PTPRD: variants seen among roughly 807,000 people sequenced by gnomAD.
PTPRD encodes protein tyrosine phosphatase receptor type D.
In PTPRD, 34 loss-of-function variants were observed where a neutral mutation model predicts 214.5. The observed-to-expected ratio is 0.16, with a 90% CI of 0.12 to 0.21. The LOEUF is 0.21. Ranked by LOEUF, PTPRD falls within the 10% of genes least tolerant of loss-of-function variation. The pLI, the probability that PTPRD is intolerant of heterozygous loss-of-function variation, is 1.00. For missense variants in PTPRD, 2,545 were observed against 2,398.7 expected, an observed-to-expected ratio of 1.06 and a Z score of -1.27; for synonymous variants, 1,128 against 845.7, an observed-to-expected ratio of 1.33 and a Z score of -5.79.
At chr9:10,350,199 G>A (rs2097158831) in intron 2 of PTPRD, among the ~76,000 whole-genome samples, 1 of 151,980 alleles carries the variant, frequency 6.6e-6, no homozygotes, top group East Asian at 1.9e-4. Context: ...ATGCAGCATA[G>A]AGGCCTTATC....
At position 8,953,037 on chromosome 9, in the gene PTPRD, A is replaced by G. The variant is rs1427789497; in HGVS notation, c.-104+65660T>C. On this transcript the variant is annotated intron_variant, in intron 11 of 45. Transcript: ENST00000381196. ...CTTGTTCCTCCATTCCAACAATTTT[A>G]TAATATAAAGCAACGAATTATATTT... 3.3e-5 allele frequency among the ~76,000 whole-genome samples: 5 copies of G among 152,060 alleles called. No individual in the cohort carries two copies. The East Asian group carries it at 5.8e-4, about 18-fold the overall frequency.
At chr9:8,999,761 T>C (rs2099410486) in intron 11 of PTPRD, among the ~76,000 whole-genome samples, 1 of 152,066 alleles carries the variant, frequency 6.6e-6, no homozygotes, top group Non-Finnish European at 1.5e-5. Context: ...TGGTGGATTC[T>C]ACAGAAACAA....
chr9:10,390,614 T>C (rs1366677179), intron 2 of PTPRD, among the ~76,000 whole-genome samples: 1 of 151,770 alleles, frequency 6.6e-6, no homozygotes, highest in African/African-American at 2.4e-5. Flanking sequence ...AGAATGATAA[T>C]GAAATCATTT....
chr9:9,703,527 T>G (rs1026176668), intron 7 of PTPRD, among the ~76,000 whole-genome samples: 2 of 152,192 alleles, frequency 1.3e-5, no homozygotes, highest in Non-Finnish European at 2.9e-5. Flanking sequence ...AATCGTCATC[T>G]GAATTTTGAA....
rs1308173504 is a variant in PTPRD, at chr9:8,454,050, G to A, written c.3876-4213C>T. Among the ~76,000 whole-genome samples, 3 of 152,158 alleles carry A rather than the reference G, an allele frequency of 2.0e-5. No homozygotes were observed. The East Asian group carries it at 5.8e-4, about 29-fold the overall frequency. On this transcript the variant is annotated intron_variant, in intron 33 of 45. Transcript: ENST00000381196. ...ATTAATCATTCAATAATCACATAGT[G>A]TATTTTAGCTATTATTATTGCTCTT...
chr9:9,796,941 C>G (rs1382282842), intron 5 of PTPRD, among the ~76,000 whole-genome samples: 2 of 152,068 alleles, frequency 1.3e-5, no homozygotes, highest in African/African-American at 2.4e-5. Context: ...TATTCATCAT[C>G]TGAATAGTAA....
chr9:8,655,353 G>A (rs2096888838), intron 12 of PTPRD, among the ~76,000 whole-genome samples: 1 of 152,200 alleles, frequency 6.6e-6, no homozygotes, highest in African/African-American at 2.4e-5. Flanking sequence ...AAAGGCTGAT[G>A]TGTCTTGTTT....
chr9:9,444,072 T>A (rs1314230908), intron 8 of PTPRD, among the ~76,000 whole-genome samples: 1 of 152,206 alleles, frequency 6.6e-6, no homozygotes, highest in Non-Finnish European at 1.5e-5. Context: ...GAGTAAGTCA[T>A]CCTGTTTGGC....
At chr9:8,879,687 G>A (rs1362339590) in intron 11 of PTPRD, among the ~76,000 whole-genome samples, 1 of 152,162 alleles carries the variant, frequency 6.6e-6, no homozygotes, top group Non-Finnish European at 1.5e-5. Context: ...ACAGAATCCT[G>A]GATCTTAGCG....
chr9:10,392,141 G>A (rs1239161974), intron 2 of PTPRD, among the ~76,000 whole-genome samples: 1 of 151,736 alleles, frequency 6.6e-6, no homozygotes, highest in African/African-American at 2.4e-5. Context: ...AATTCAATGA[G>A]GCCCAGAACT....
chr9:10,110,343 T>A (rs902294731), intron 3 of PTPRD, among the ~76,000 whole-genome samples: 1 of 152,182 alleles, frequency 6.6e-6, no homozygotes, highest in Non-Finnish European at 1.5e-5. Flanking sequence ...GAGAAAACTG[T>A]GTCTTAGGTT....
At chr9:9,396,961 C>G (rs943091614) in intron 9 of PTPRD, among the ~76,000 whole-genome samples, 4 of 151,958 alleles carry the variant, frequency 2.6e-5, no homozygotes, top group Non-Finnish European at 2.9e-5. Context: ...CAAGTTATAT[C>G]CACTCATCTT....
intron 2 of PTPRD, among the ~76,000 whole-genome samples, chr9:10,468,734 T>C (rs1242798599): frequency 6.6e-6 from 1 of 152,096 alleles, no homozygotes; most frequent in Admixed American, 6.6e-5. Context: ...TTCCTCTCAA[T>C]GACAAATTCA....
rs145176897 is a variant in PTPRD, at chr9:10,354,172, T to C, written c.-599-13155A>G. ...TACATATACAAATATCCCTAAACAA[T>C]AGATAACATTGTCCAGCATATTTTA... On this transcript the variant is annotated intron_variant, in intron 2 of 45. Transcript: ENST00000381196. Among the ~76,000 whole-genome samples, 27 of 152,230 alleles carry C rather than the reference T, an allele frequency of 1.8e-4. No homozygotes were observed. The East Asian group carries it at 2.7e-3, about 15-fold the overall frequency.
chr9:9,134,217 T>C lies in PTPRD; in HGVS notation c.-143+49087A>G, dbSNP rs10977512. 3.5e-3 allele frequency among the ~76,000 whole-genome samples: 523 copies of C among 148,012 alleles called. 50 individuals carry two copies. The East Asian group carries it at 0.089, about 25-fold the overall frequency. Reference sequence around the variant, plus strand: ...CCTCCCGAGTAGCTGGGACTACAGGTGCCCGCCACCACGCCCGGCTAATTT... The same window carrying C: ...CCTCCCGAGTAGCTGGGACTACAGGCGCCCGCCACCACGCCCGGCTAATTT... On this transcript the variant is annotated intron_variant, in intron 10 of 45. Coordinates refer to ENST00000381196, the MANE Select transcript of PTPRD (RefSeq NM_002839.4).
At chr9:9,759,159 T>A (rs1449169210) in intron 6 of PTPRD, among the ~76,000 whole-genome samples, 2 of 152,216 alleles carry the variant, frequency 1.3e-5, no homozygotes, top group South Asian at 4.1e-4. Context: ...TAGCTCCTTT[T>A]TCACAGTAAA....
At chr9:10,470,962 T>C (rs147101060) in intron 2 of PTPRD, among the ~76,000 whole-genome samples, 7 of 152,308 alleles carry the variant, frequency 4.6e-5, no homozygotes, top group African/African-American at 1.4e-4. Flanking sequence ...TGGAATATTA[T>C]GCAGCCATAA....
intron 32 of PTPRD, 133 bp from the exon 33 acceptor site, chr9:8,460,704 C>G: frequency 2.5e-6 from 2 of 809,180 alleles, no homozygotes; most frequent in Non-Finnish European, 3.7e-6. Flanking sequence ...ATTAGCAAAA[C>G]AGAGGGGAGG....
intron 9 of PTPRD, among the ~76,000 whole-genome samples, chr9:9,314,275 C>G (rs997995171): frequency 6.6e-6 from 1 of 152,080 alleles, no homozygotes; most frequent in African/African-American, 2.4e-5. Context: ...TTATTTTTAA[C>G]GGAACAAAAT....
Sources: gnomAD v4.1 joint callset for allele counts (sites outside exome capture counted in the v4.1 genomes callset) on GRCh38, gnomAD v4.1.1 for gene constraint, MANE v1.5 for transcripts, NCBI Gene and HGNC (gene_info 2026-07-23, HGNC 2026-07-21) for gene names.